FSTL4: variants seen among roughly 807,000 people sequenced by gnomAD.
The protein encoded by FSTL4 is follistatin-related protein 4.
FSTL4 carries 28 observed loss-of-function variants against 78.2 expected under a neutral mutation model. The observed-to-expected ratio is 0.36, with a 90% CI of 0.27 to 0.49. The LOEUF is 0.49. Ranked by LOEUF, FSTL4 falls within the 20% of genes least tolerant of loss-of-function variation. The pLI is 0.98. For missense variants in FSTL4, 922 were observed against 1,084.9 expected, an observed-to-expected ratio of 0.85 and a Z score of 2.11; for synonymous variants, 422 against 440.5, an observed-to-expected ratio of 0.96 and a Z score of 0.53.
chr5:133,701,697 G>A, the FSTL4 span, among the ~76,000 whole-genome samples: 1 of 152,112 alleles, frequency 6.6e-6, no homozygotes, highest in African/African-American at 2.4e-5. Context: ...AGCAGCAAGG[G>A]GTCAAGCTTA....
At chr5:133,384,037 A>G (rs1052998886) in intron 4 of FSTL4, among the ~76,000 whole-genome samples, 1 of 152,238 alleles carries the variant, frequency 6.6e-6, no homozygotes, top group Non-Finnish European at 1.5e-5. Context: ...CTTTTGGAAG[A>G]AAAGAAGACT....
the FSTL4 span, among the ~76,000 whole-genome samples, chr5:133,632,372 G>A: frequency 6.6e-6 from 1 of 152,090 alleles, no homozygotes; most frequent in African/African-American, 2.4e-5. Flanking sequence ...AGGAGGAAAA[G>A]GAAAATCTGT....
At chr5:133,738,505 C>T in the FSTL4 span, among the ~76,000 whole-genome samples, 3 of 152,286 alleles carry the variant, frequency 2.0e-5, no homozygotes, top group South Asian at 6.2e-4. Context: ...CTTGAACAGG[C>T]TCCAGATCCC....
At chr5:133,375,030 G>A in intron 4 of FSTL4, among the ~76,000 whole-genome samples, 1 of 151,948 alleles carries the variant, frequency 6.6e-6, no homozygotes, top group Non-Finnish European at 1.5e-5. Context: ...AACCTTGAGA[G>A]GCAATCAAAT....
chr5:133,425,993 G>A (rs907965339), intron 3 of FSTL4, among the ~76,000 whole-genome samples: 1 of 152,194 alleles, frequency 6.6e-6, no homozygotes, highest in South Asian at 2.1e-4. Flanking sequence ...TCCTGTCTAA[G>A]TGCTGGGGAC....
At chr5:133,399,890 T>G (rs967832542) in intron 4 of FSTL4, among the ~76,000 whole-genome samples, 3 of 152,248 alleles carry the variant, frequency 2.0e-5, no homozygotes, top group African/African-American at 7.2e-5. Flanking sequence ...TGTATACCCA[T>G]TTTGTACACA....
the FSTL4 span, among the ~76,000 whole-genome samples, chr5:133,768,976 A>C: frequency 3.3e-5 from 5 of 152,222 alleles, no homozygotes; most frequent in Non-Finnish European, 7.4e-5. Context: ...GGAAAGCTAC[A>C]CTGCTTCTCC....
In FSTL4 at chr5:133,225,905, A is replaced by AG. The variant is rs139592950; in HGVS notation, c.1016-87dup. On this transcript the variant is annotated intron_variant, in intron 8 of 15. Transcript: ENST00000265342. The surrounding 1 kb of genome is among the most constrained non-coding windows in gnomAD (Gnocchi z 4.6). ...GGCCCAACCTGAGACCCTGCTCCAG[A>AG]GGGGGTGAACCCAAGTAGGTGACTG... 1 of 1,116,010 alleles carries AG rather than the reference A, an allele frequency of 9.0e-7. No homozygotes were observed. The highest frequency in any genetic ancestry group is 1.6e-5 in the African/African-American group (1 of 63,412). The allele number at this position is 1,116,010 out of a possible 1,614,324, so 69.1% of individuals were successfully genotyped here.
intron 6 of FSTL4, among the ~76,000 whole-genome samples, chr5:133,296,593 G>A (rs995799637): frequency 5.9e-5 from 9 of 152,118 alleles, no homozygotes; most frequent in African/African-American, 2.2e-4. Context: ...ACTGCGTGGC[G>A]AGTGCCCTCA....
chr5:133,299,253 C>T (rs1329782383), intron 6 of FSTL4, among the ~76,000 whole-genome samples: 1 of 152,190 alleles, frequency 6.6e-6, no homozygotes, highest in Non-Finnish European at 1.5e-5. Flanking sequence ...GAGGTGCACA[C>T]ATGAGTGTGA....
At chr5:133,558,527 T>C (rs1759844257) in intron 3 of FSTL4, among the ~76,000 whole-genome samples, 1 of 152,094 alleles carries the variant, frequency 6.6e-6, no homozygotes, top group African/African-American at 2.4e-5. Flanking sequence ...GGTCACTGTC[T>C]CCATGGAGCC....
intron 14 of FSTL4, among the ~76,000 whole-genome samples, chr5:133,204,758 C>T (rs1221681366): frequency 6.7e-6 from 1 of 149,936 alleles, no homozygotes; most frequent in Non-Finnish European, 1.5e-5. Flanking sequence ...TTTGTTTGAA[C>T]CCGGGAAGAG....
At chr5:133,204,422 TAACA>T (rs1424620343) in intron 14 of FSTL4, among the ~76,000 whole-genome samples, 3 of 152,310 alleles carry the variant, frequency 2.0e-5, no homozygotes, top group East Asian at 1.9e-4. Flanking sequence ...AACAATGCAG[TAACA>T]AACATTGTAT....
chr5:133,705,882 C>CAT, the FSTL4 span, among the ~76,000 whole-genome samples: 2 of 151,884 alleles, frequency 1.3e-5, no homozygotes, highest in Non-Finnish European at 2.9e-5. Flanking sequence ...CACACACACA[C>CAT]ACACACACAC....
intron 7 of FSTL4, among the ~76,000 whole-genome samples, chr5:133,245,093 C>T (rs1033213478): frequency 6.9e-6 from 1 of 144,630 alleles, no homozygotes; most frequent in Non-Finnish European, 1.5e-5. Flanking sequence ...GTGCTCCAGT[C>T]TGGGTGACAG....
chr5:133,574,984 G>A (rs1201404813), intron 2 of FSTL4: 1 of 152,128 alleles, frequency 6.6e-6, no homozygotes, highest in African/African-American at 2.4e-5. Flanking sequence ...CTTGGTGGTG[G>A]TCACATAGAT....
chr5:133,671,892 T>G, the FSTL4 span, among the ~76,000 whole-genome samples: 10 of 152,362 alleles, frequency 6.6e-5, no homozygotes, highest in African/African-American at 2.4e-4. Flanking sequence ...TTGTGGGGGC[T>G]AAGAACGTAA....
intron 3 of FSTL4, among the ~76,000 whole-genome samples, chr5:133,446,331 T>G (rs1329031942): frequency 6.6e-6 from 1 of 152,182 alleles, no homozygotes; most frequent in Non-Finnish European, 1.5e-5. Flanking sequence ...TCCCAGCTAC[T>G]TGGGAGGCTG....
chr5:133,700,859 C>A, the FSTL4 span, among the ~76,000 whole-genome samples: 3 of 152,178 alleles, frequency 2.0e-5, no homozygotes, highest in Admixed American at 2.0e-4. Flanking sequence ...AGAAGTTATT[C>A]CCGGCCTTCA....
Sources: allele counts gnomAD v4.1 joint callset (sites outside exome capture counted in the v4.1 genomes callset), GRCh38; gene constraint gnomAD v4.1.1; non-coding constraint Gnocchi (gnomAD v3.1); transcripts MANE v1.5; gene names NCBI Gene and HGNC (gene_info 2026-07-23, HGNC 2026-07-21).